The following SYNPR variants were observed in gnomAD, a reference collection of about 807,000 sequenced individuals.
SYNPR encodes synaptoporin.
In SYNPR, 23 loss-of-function variants were observed where a neutral mutation model predicts 32.9. The ratio of observed to expected loss-of-function variants is 0.70; its 90% confidence interval spans 0.50 to 0.99. SYNPR has a LOEUF of 0.99. SYNPR is among the 50% of genes least tolerant of loss of function. The probability of loss-of-function intolerance (pLI) is 0.00; values close to 1 mark genes in which losing one functional copy is unlikely to be tolerated. For synonymous variants in SYNPR, 146 were observed against 135.9 expected (o/e 1.07, Z -0.52); for missense variants, 318 against 349.3 (o/e 0.91, Z 0.71).
chr3:63,557,750 G>T (rs568857852), intron 4 of SYNPR, among the ~76,000 whole-genome samples: 1 of 152,196 alleles, frequency 6.6e-6, no homozygotes, highest in East Asian at 1.9e-4. Flanking sequence ...AACTCCATTT[G>T]TTTTCATTTA....
chr3:63,582,205 A>G (rs11923419), intron 4 of SYNPR, among the ~76,000 whole-genome samples: 38,765 of 152,060 alleles, frequency 0.25, 5,308 homozygotes, highest in South Asian at 0.44. Context: ...AGAAGCACTT[A>G]ACGGGGGAGC....
intron 2 of SYNPR, among the ~76,000 whole-genome samples, chr3:63,388,826 C>T (rs1255909602): frequency 6.6e-6 from 1 of 151,930 alleles, no homozygotes; most frequent in African/African-American, 2.4e-5. Context: ...TAGATTTATA[C>T]CCAGAAAGTT....
chr3:63,554,190 T>C (rs985568950), intron 3 of SYNPR, among the ~76,000 whole-genome samples: 1 of 152,240 alleles, frequency 6.6e-6, no homozygotes, highest in African/African-American at 2.4e-5. Context: ...TTTTCATAGT[T>C]TATTTTCCTG....
intron 3 of SYNPR, among the ~76,000 whole-genome samples, chr3:63,517,272 A>C (rs1433603976): frequency 6.6e-6 from 1 of 152,150 alleles, no homozygotes; most frequent in Non-Finnish European, 1.5e-5. Context: ...CCTTCTCTGT[A>C]TAATGGGGAG....
At chr3:63,266,266 C>A (rs1166055182) in intron 2 of SYNPR, among the ~76,000 whole-genome samples, 1 of 151,716 alleles carries the variant, frequency 6.6e-6, no homozygotes, top group African/African-American at 2.4e-5. Context: ...TTTTTAGCAC[C>A]ATTGCCCTGT....
At chr3:63,340,169 A>G (rs1218480111) in intron 2 of SYNPR, among the ~76,000 whole-genome samples, 1 of 152,168 alleles carries the variant, frequency 6.6e-6, no homozygotes. Flanking sequence ...GCTGAGTAAT[A>G]GTCCATGGCA....
At chr3:63,556,518 T>G (rs370372966) in intron 3 of SYNPR, 25 bp from the exon 4 acceptor site, 1 of 1,581,706 alleles carries the variant, frequency 6.3e-7, no homozygotes, top group South Asian at 1.1e-5. Flanking sequence ...ATTTAAAGAA[T>G]GTCTCCTTAA....
the SYNPR span, among the ~76,000 whole-genome samples, chr3:63,202,342 TG>T: frequency 3.9e-5 from 6 of 152,158 alleles, no homozygotes; most frequent in Non-Finnish European, 7.4e-5. Flanking sequence ...GTTTTAAAAA[TG>T]GTTCATAAAT....
chr3:63,338,734 A>G (rs1015240530), intron 2 of SYNPR, among the ~76,000 whole-genome samples: 3 of 152,242 alleles, frequency 2.0e-5, no homozygotes, highest in Non-Finnish European at 4.4e-5. Context: ...ATCTGAACAC[A>G]TACTCTAGAG....
At chr3:63,401,040 G>GGT (rs10690622) in intron 2 of SYNPR, among the ~76,000 whole-genome samples, 3,258 of 151,856 alleles carry the variant, frequency 0.021, 111 homozygotes, top group African/African-American at 0.072. Context: ...ACACAAAAAA[G>GGT]GTTTTTTTTT....
the SYNPR span, among the ~76,000 whole-genome samples, chr3:63,219,146 A>G: frequency 1.2e-3 from 187 of 152,344 alleles, no homozygotes; most frequent in Non-Finnish European, 1.8e-3. Context: ...CTTCTTGTAC[A>G]TGTATAGTAG....
chr3:63,475,697 C>T (rs973167311), intron 2 of SYNPR, among the ~76,000 whole-genome samples: 4 of 152,116 alleles, frequency 2.6e-5, no homozygotes, highest in Non-Finnish European at 5.9e-5. Context: ...GTTCCTCTAT[C>T]TCACTTATTT....
At chr3:63,395,470 G>A (rs761088240) in intron 2 of SYNPR, among the ~76,000 whole-genome samples, 2 of 152,148 alleles carry the variant, frequency 1.3e-5, no homozygotes, top group Non-Finnish European at 2.9e-5. Context: ...CAGGCACTGT[G>A]CTAAGCACTT....
rs34163380 is a variant in SYNPR at position 63,442,164 on chromosome 3, AGTGT to A, written c.85-38648_85-38645del. Reference sequence around the variant, plus strand: ...GTGGTGGCTATGATATGGTAGTGATAGTGTGTGTGTGTGTGTGTGTGTGCACGCA... The same window carrying A: ...GTGGTGGCTATGATATGGTAGTGATAGTGTGTGTGTGTGTGTGTGCACGCA... On this transcript the variant is annotated intron_variant, in intron 2 of 5. Transcript: ENST00000478300. Among the ~76,000 whole-genome samples the A allele has an allele frequency of 2.3e-3, 345 of 148,342 alleles. 2 individuals are homozygous for A. In the Middle Eastern group the frequency reaches 0.038, roughly 16 times the overall value.
At chr3:63,405,538 T>C (rs751049394) in intron 2 of SYNPR, among the ~76,000 whole-genome samples, 2 of 152,102 alleles carry the variant, frequency 1.3e-5, no homozygotes, top group Non-Finnish European at 2.9e-5. Context: ...GAGACCCAGA[T>C]AGCACAGGGC....
intron 4 of SYNPR, among the ~76,000 whole-genome samples, chr3:63,579,737 G>A (rs554141558): frequency 3.3e-4 from 50 of 151,820 alleles, no homozygotes; most frequent in African/African-American, 1.1e-3. Flanking sequence ...CATTTAAAGT[G>A]AATAAGTAAT....
chr3:63,333,733 T>A (rs890396816), intron 2 of SYNPR, among the ~76,000 whole-genome samples: 2 of 152,210 alleles, frequency 1.3e-5, no homozygotes, highest in Non-Finnish European at 2.9e-5. Flanking sequence ...ATTTCTTATT[T>A]GCTACCAGGT....
In SYNPR at chr3:63,470,902, A is replaced by AC. The variant is rs1237040602; in HGVS notation, c.85-9926dup. Among the ~76,000 whole-genome samples the AC allele has an allele frequency of 2.0e-5, 3 of 152,090 alleles. No homozygotes were observed. In the East Asian group the frequency reaches 5.8e-4, roughly 29 times the overall value. On this transcript the variant is annotated intron_variant, in intron 2 of 5. Coordinates refer to ENST00000478300, the MANE Select transcript of SYNPR (RefSeq NM_001130003.2). ...ACTTCCTGATATGTGTGAAAAACAA[A>AC]CCCCTATTTGTTTAAGGCCCCGTAG...
At chr3:63,455,664 G>A (rs1238563847) in intron 2 of SYNPR, among the ~76,000 whole-genome samples, 1 of 151,894 alleles carries the variant, frequency 6.6e-6, no homozygotes, top group African/African-American at 2.4e-5. Flanking sequence ...CAACTTAGTT[G>A]ACAAGTATGG....
Sources: gnomAD v4.1 joint callset for allele counts (sites outside exome capture counted in the v4.1 genomes callset) on GRCh38, gnomAD v4.1.1 for gene constraint, MANE v1.5 for transcripts, NCBI Gene and HGNC (gene_info 2026-07-23, HGNC 2026-07-21) for gene names.